The following USP22 variants were observed in gnomAD, a reference collection of about 807,000 sequenced individuals.
USP22 encodes the protein ubiquitin specific peptidase 22.
In USP22, 22 loss-of-function variants were observed where a neutral mutation model predicts 68.1. That is an observed-to-expected ratio of 0.32 (90% CI 0.23 to 0.46). The LOEUF (loss-of-function observed/expected upper bound fraction) is 0.46, where lower values mean the gene tolerates loss of function less well. Among genes scored for constraint, USP22 ranks in the 20% least tolerant of loss-of-function variants. USP22 has a pLI of 1.00. For missense variants in USP22, 433 were observed against 695.8 expected, an observed-to-expected ratio of 0.62 and a Z score of 4.25; for synonymous variants, 279 against 274.2, an observed-to-expected ratio of 1.02 and a Z score of -0.17.
At chr17:21,003,536 CT>C (rs1913666375) in intron 12 of USP22, among the ~76,000 whole-genome samples, 1 of 152,236 alleles carries the variant, frequency 6.6e-6, no homozygotes, top group African/African-American at 2.4e-5. Context: ...TGGGGTCCCC[CT>C]GACCCCTGGA....
intron 2 of USP22, among the ~76,000 whole-genome samples, chr17:21,027,201 T>G (rs553602279): frequency 7.0e-6 from 1 of 143,644 alleles, no homozygotes; most frequent in Admixed American, 7.2e-5. Flanking sequence ...GGCAGAAGGA[T>G]CTCCTGAGCC....
chr17:21,032,969 C>T (rs1184681875), intron 1 of USP22, among the ~76,000 whole-genome samples: 2 of 147,794 alleles, frequency 1.4e-5, no homozygotes, highest in Non-Finnish European at 3.0e-5. Context: ...AAATGCATTC[C>T]CCAGGCACCC....
intron 2 of USP22, among the ~76,000 whole-genome samples, chr17:21,024,442 T>C (rs748196263): frequency 1.3e-4 from 20 of 152,138 alleles, no homozygotes; most frequent in Admixed American, 6.6e-4. Context: ...ATCAGGACCA[T>C]TTGAGGGGAT....
At chr17:21,004,109 G>T in intron 12 of USP22, 93 bp downstream of exon 12, 1 of 1,504,262 alleles carries the variant, frequency 6.6e-7, no homozygotes, top group African/African-American at 1.4e-5. Context: ...ACCTTCGAGT[G>T]GTTCTAGGCT....
chr17:21,004,923 C>T lies in USP22; in HGVS notation c.1385+5G>A, dbSNP rs1288615679. On this transcript the variant is annotated splice_donor_5th_base_variant and intron_variant, in intron 11 of 12. Transcript: ENST00000261497. Reference sequence around the variant, plus strand: ...TGGACACCCACACCGCTAAGCACCACTTACTTGTTGTCATTGTTGAGACTG... The same window carrying T: ...TGGACACCCACACCGCTAAGCACCATTTACTTGTTGTCATTGTTGAGACTG... The T allele has an allele frequency of 1.2e-6, 2 of 1,614,210 alleles. No homozygotes were observed. Among genetic ancestry groups the T allele is most frequent in the Non-Finnish European group, 8.5e-7 (1 of 1,180,026 alleles).
chr17:21,007,533 C>T (rs969439166), intron 9 of USP22, among the ~76,000 whole-genome samples: 1 of 152,198 alleles, frequency 6.6e-6, no homozygotes, highest in African/African-American at 2.4e-5. Context: ...ACCAGATCTG[C>T]ATGCTGAGGG....
chr17:21,013,034 G>T, intron 6 of USP22, 99 bp from the exon 7 acceptor site: 1 of 1,116,454 alleles, frequency 9.0e-7, no homozygotes, highest in Non-Finnish European at 1.3e-6. Context: ...GGGAGCCAGG[G>T]CCAACGCTTT....
chr17:21,006,847 T>C (rs967889749), intron 10 of USP22, 49 bp downstream of exon 10: 5 of 1,451,660 alleles, frequency 3.4e-6, no homozygotes, highest in African/African-American at 2.9e-5. Flanking sequence ...CCTGTCCTGA[T>C]AGGATCACAG....
Position 21,011,142 on chromosome 17 carries a change from G to A in USP22, c.1103+9C>T. ...ACACGCCCCCGCCGTGTGGGTGCAGGCCTCTCACCGTCGCAGGCAGTCCGT... is the reference window on the plus strand; with the variant it reads ...ACACGCCCCCGCCGTGTGGGTGCAGACCTCTCACCGTCGCAGGCAGTCCGT... On this transcript the variant is annotated intron_variant, in intron 8 of 12. Transcript: ENST00000261497. 6.3e-7 allele frequency: 1 copy of A among 1,578,056 alleles called. No individual in the cohort carries two copies. The highest frequency in any genetic ancestry group is 8.6e-7 in the Non-Finnish European group (1 of 1,160,158).
intron 1 of USP22, among the ~76,000 whole-genome samples, chr17:21,040,986 G>A (rs1460974180): frequency 6.6e-6 from 1 of 151,542 alleles, no homozygotes; most frequent in East Asian, 1.9e-4. Flanking sequence ...CCGGGTTGAA[G>A]TGATTCTCCT....
intron 3 of USP22, 84 bp from the exon 4 acceptor site, chr17:21,019,269 G>A (rs1201474592): frequency 6.5e-6 from 9 of 1,379,556 alleles, no homozygotes; most frequent in Non-Finnish European, 9.3e-6. Flanking sequence ...GTGGCGCTAT[G>A]CTGTCTGTCA....
intron 9 of USP22, among the ~76,000 whole-genome samples, chr17:21,007,300 A>T (rs1047685323): frequency 6.6e-6 from 1 of 152,184 alleles, no homozygotes; most frequent in Admixed American, 6.5e-5. Flanking sequence ...TGGCAGCAAA[A>T]ATGAACAAAT....
rs372981886 is a variant in USP22 at position 21,015,732 on chromosome 17, G to A, written c.838+20C>T. On this transcript the variant is annotated intron_variant, in intron 6 of 12. Transcript: ENST00000261497. ...GGAAAACATCCTGCCCTGGTGGAGG[G>A]TGCAGAGCCCAGGGCCCACCTTTGC... 1 of 1,608,180 alleles carries A rather than the reference G, an allele frequency of 6.2e-7. No individual in the cohort carries two copies. Among genetic ancestry groups the A allele is most frequent in the Non-Finnish European group, 8.5e-7 (1 of 1,177,766 alleles).
intron 1 of USP22, among the ~76,000 whole-genome samples, chr17:21,034,168 C>T (rs1207529883): frequency 6.6e-6 from 1 of 152,170 alleles, no homozygotes; most frequent in African/African-American, 2.4e-5. Context: ...AGCTTCCAGA[C>T]TCAGGCCCCT....
chr17:21,010,789 G>A (rs1038222173), intron 8 of USP22, among the ~76,000 whole-genome samples: 6 of 152,160 alleles, frequency 3.9e-5, no homozygotes, highest in Admixed American at 3.9e-4. Context: ...CATGTGCAGA[G>A]AAGGCCGTGG....
At chr17:21,024,512 C>T (rs1972196588) in intron 2 of USP22, among the ~76,000 whole-genome samples, 1 of 152,186 alleles carries the variant, frequency 6.6e-6, no homozygotes, top group Non-Finnish European at 1.5e-5. Context: ...AAATCCTTAC[C>T]TCATACTGTA....
At chr17:21,015,014 G>A (rs1914087407) in intron 6 of USP22, among the ~76,000 whole-genome samples, 1 of 152,218 alleles carries the variant, frequency 6.6e-6, no homozygotes, top group Non-Finnish European at 1.5e-5. Flanking sequence ...ACACTCATCT[G>A]AGAATCACCT....
intron 3 of USP22, 123 bp from the exon 4 acceptor site, chr17:21,019,308 G>C: frequency 1.1e-6 from 1 of 885,314 alleles, no homozygotes; most frequent in South Asian, 1.4e-5. Flanking sequence ...AACATCCACA[G>C]CACCAGGGCT....
chr17:21,032,953 A>G (rs918280973), intron 1 of USP22, among the ~76,000 whole-genome samples: 36 of 142,766 alleles, frequency 2.5e-4, no homozygotes, highest in African/African-American at 7.8e-4. Flanking sequence ...AAAAAAAAAA[A>G]GTTGAAAATG....
Sources: allele counts gnomAD v4.1 joint callset (sites outside exome capture counted in the v4.1 genomes callset), GRCh38; gene constraint gnomAD v4.1.1; transcripts MANE v1.5; gene names NCBI Gene and HGNC (gene_info 2026-07-23, HGNC 2026-07-21).